Variants in LRRC37A2 observed in about 807,000 individuals in gnomAD.
LRRC37A2 encodes leucine rich repeat containing 37 member A2.
A neutral mutation model predicts 68.8 loss-of-function variants in LRRC37A2; 9 were observed. That is an observed-to-expected ratio of 0.13 (90% CI 0.08 to 0.23). LRRC37A2 has a LOEUF of 0.23. LRRC37A2 is among the 10% of genes least tolerant of loss of function. The pLI is 1.00. For missense variants in LRRC37A2, 168 were observed against 950.4 expected (o/e 0.18, Z 10.82); for synonymous variants, 63 against 367.6 (o/e 0.17, Z 9.48).
the LRRC37A2 span, among the ~76,000 whole-genome samples, chr17:46,707,626 A>G: frequency 1.3e-5 from 2 of 152,164 alleles, no homozygotes; most frequent in Non-Finnish European, 2.9e-5. Context: ...TGTAAGTGGA[A>G]TCATAGTATT....
the LRRC37A2 span, among the ~76,000 whole-genome samples, chr17:46,622,481 A>C: frequency 2.0e-5 from 3 of 149,296 alleles, no homozygotes; most frequent in African/African-American, 5.0e-5. Flanking sequence ...TAAATAAATA[A>C]ATAGATAAAT....
the LRRC37A2 span, among the ~76,000 whole-genome samples, chr17:46,863,958 G>A: frequency 4.6e-5 from 7 of 152,184 alleles, no homozygotes; most frequent in African/African-American, 1.7e-4. Flanking sequence ...TGGGCCATCC[G>A]TGGGGCCTGC....
the LRRC37A2 span, among the ~76,000 whole-genome samples, chr17:46,920,892 G>A: frequency 6.6e-6 from 1 of 152,150 alleles, no homozygotes; most frequent in Non-Finnish European, 1.5e-5. Flanking sequence ...GGAGAAATCA[G>A]AAGAGAGGGA....
At chr17:47,029,440 G>C in the LRRC37A2 span, among the ~76,000 whole-genome samples, 3 of 152,168 alleles carry the variant, frequency 2.0e-5, no homozygotes, top group Non-Finnish European at 4.4e-5. Flanking sequence ...GGGGACTCAA[G>C]GTGAAGATTC....
chr17:46,839,070 C>G, the LRRC37A2 span, among the ~76,000 whole-genome samples: 101 of 152,032 alleles, frequency 6.6e-4, no homozygotes, highest in Non-Finnish European at 1.0e-3. Context: ...TAGAGACAGA[C>G]TTTCACCATG....
At chr17:46,907,097 C>T in the LRRC37A2 span, among the ~76,000 whole-genome samples, 3 of 152,312 alleles carry the variant, frequency 2.0e-5, no homozygotes, top group Admixed American at 6.5e-5. Context: ...TCCTCTCCAC[C>T]GGGAGTACGT....
At chr17:46,970,815 C>G in the LRRC37A2 span, among the ~76,000 whole-genome samples, 1 of 152,210 alleles carries the variant, frequency 6.6e-6, no homozygotes, top group Non-Finnish European at 1.5e-5. Context: ...CTGACATGAA[C>G]CTTTGTCATC....
chr17:46,991,615 AAAAATAAAAT>A, the LRRC37A2 span, among the ~76,000 whole-genome samples: 105,095 of 150,374 alleles, frequency 0.7, 37,375 homozygotes, highest in Middle Eastern at 0.78. Context: ...TCCATCTCAA[AAAAATAAAAT>A]AAAATAAAAT....
chr17:46,960,892 A>T, the LRRC37A2 span, among the ~76,000 whole-genome samples: 1 of 152,204 alleles, frequency 6.6e-6, no homozygotes, highest in Non-Finnish European at 1.5e-5. Context: ...AGCATGAAGG[A>T]GTATCTCGAT....
At chr17:46,980,772 G>A in the LRRC37A2 span, among the ~76,000 whole-genome samples, 3 of 151,798 alleles carry the variant, frequency 2.0e-5, no homozygotes, top group Non-Finnish European at 2.9e-5. Context: ...GGTGAAGCTT[G>A]CAGTGAGCCG....
chr17:47,006,178 AAAT>A, the LRRC37A2 span, among the ~76,000 whole-genome samples: 9 of 152,008 alleles, frequency 5.9e-5, no homozygotes, highest in Non-Finnish European at 1.3e-4. Context: ...CTCGGAAAAA[AAAT>A]TTTTTTTTCC....
the LRRC37A2 span, chr17:46,830,817 C>T: frequency 2.5e-6 from 1 of 398,464 alleles, no homozygotes; most frequent in Non-Finnish European, 4.4e-6. Context: ...TTCACACCCC[C>T]TGTTCCATTC....
At chr17:46,780,455 C>A in the LRRC37A2 span, among the ~76,000 whole-genome samples, 1 of 152,252 alleles carries the variant, frequency 6.6e-6, no homozygotes, top group African/African-American at 2.4e-5. Flanking sequence ...ACCCTATAAT[C>A]CAGCAATGCC....
At chr17:47,024,652 A>G in the LRRC37A2 span, 3 of 971,384 alleles carry the variant, frequency 3.1e-6, no homozygotes, top group Non-Finnish European at 5.1e-6. Flanking sequence ...TTGCATTTTA[A>G]TCTAGAAATA....
the LRRC37A2 span, among the ~76,000 whole-genome samples, chr17:46,765,384 C>T: frequency 6.6e-6 from 1 of 152,218 alleles, no homozygotes; most frequent in Non-Finnish European, 1.5e-5. Context: ...AAATCTGGCA[C>T]TTGTAAGGCA....
the LRRC37A2 span, among the ~76,000 whole-genome samples, chr17:46,905,115 AG>A: frequency 6.6e-6 from 1 of 151,140 alleles, no homozygotes; most frequent in Admixed American, 6.6e-5. Flanking sequence ...TCTGTTGCCC[AG>A]GCTGGAGTGC....
At chr17:46,865,409 G>A in the LRRC37A2 span, among the ~76,000 whole-genome samples, 4 of 152,134 alleles carry the variant, frequency 2.6e-5, no homozygotes, top group African/African-American at 9.7e-5. Context: ...TCTGAGTCAG[G>A]GATGGGTGGG....
chr17:46,922,961 G>T, the LRRC37A2 span: 1 of 599,906 alleles, frequency 1.7e-6, no homozygotes, highest in Non-Finnish European at 3.0e-6. Flanking sequence ...ACACCGCCTT[G>T]CCCTTCACGT....
chr17:46,830,353 G>A, the LRRC37A2 span, among the ~76,000 whole-genome samples: 1 of 152,188 alleles, frequency 6.6e-6, no homozygotes, highest in Non-Finnish European at 1.5e-5. Flanking sequence ...CCGGGCTCAA[G>A]CAATCCTCCC....
Sources: allele counts gnomAD v4.1 joint callset (sites outside exome capture counted in the v4.1 genomes callset), GRCh38; gene constraint gnomAD v4.1.1; transcripts MANE v1.5; gene names NCBI Gene and HGNC (gene_info 2026-07-23, HGNC 2026-07-21).